Variants in DOC2B observed in about 807,000 individuals in gnomAD.
DOC2B encodes the protein double C2-like domain-containing protein beta.
A neutral mutation model predicts 28.9 loss-of-function variants in DOC2B; 21 were observed. The observed-to-expected ratio is 0.73, with a 90% CI of 0.52 to 1.05. The LOEUF (loss-of-function observed/expected upper bound fraction) is 1.05. Ranked by LOEUF, DOC2B falls within the 50% of genes least tolerant of loss-of-function variation. DOC2B has a pLI of 0.00. For synonymous variants in DOC2B, 194 were observed against 178.1 expected (o/e 1.09, Z -0.71); for missense variants, 384 against 421.1 (o/e 0.91, Z 0.77).
rs577567679 is a variant in DOC2B at position 164,299 on chromosome 17, G to A, written c.454-95C>T. 9 of 1,001,346 alleles carry A rather than the reference G, an allele frequency of 9.0e-6. No individual in the cohort carries two copies. In the East Asian group the frequency reaches 2.4e-4, roughly 26 times the overall value. The allele number at this position is 1,001,346 out of a possible 1,614,324, so 62.0% of individuals were successfully genotyped here. ...CCTTGTCCCCTGGGTCTCCTGGCTG[G>A]GCCCATTCATGGCCCCTTTCACAGA... On this transcript the variant is annotated intron_variant, in intron 2 of 8. Coordinates refer to ENST00000613549, the MANE Select transcript of DOC2B (RefSeq NM_003585.5).
chr17:160,584 C>A (rs1445165910), intron 5 of DOC2B, among the ~76,000 whole-genome samples: 4 of 152,252 alleles, frequency 2.6e-5, no homozygotes, highest in African/African-American at 9.6e-5. Context: ...GGACAACGTG[C>A]CATCGAGGGG....
chr17:177,269 T>C (rs1336892384), intron 1 of DOC2B, among the ~76,000 whole-genome samples: 1 of 152,156 alleles, frequency 6.6e-6, no homozygotes, highest in African/African-American at 2.4e-5. Flanking sequence ...TCTTCATTCA[T>C]CTGCTTTAAA....
intron 2 of DOC2B, among the ~76,000 whole-genome samples, chr17:166,045 G>A (rs1273778781): frequency 1.3e-5 from 2 of 152,106 alleles, no homozygotes; most frequent in Admixed American, 6.5e-5. Context: ...AGGCTGGGTC[G>A]AGGGGCGCTG....
chr17:162,074 C>G lies in DOC2B; in HGVS notation c.638+7G>C, dbSNP rs1555523320. The G allele has an allele frequency of 1.3e-6, 2 of 1,545,110 alleles. No individual in the cohort carries two copies. Among genetic ancestry groups the G allele is most frequent in the Non-Finnish European group, 1.8e-6 (2 of 1,141,054 alleles). Reference sequence around the variant, plus strand: ...GAGGGAGCAGGCGGCCTGGGACCCTCACCCACCGCAGGGTCTTGCGGATCA... The same window carrying G: ...GAGGGAGCAGGCGGCCTGGGACCCTGACCCACCGCAGGGTCTTGCGGATCA... On this transcript the variant is annotated splice_region_variant and intron_variant, in intron 4 of 8. Coordinates refer to ENST00000613549, the MANE Select transcript of DOC2B (RefSeq NM_003585.5).
At position 153,438 on chromosome 17, in the gene DOC2B, C is replaced by T. The variant is rs188581342; in HGVS notation, c.923+2782G>A. Among the ~76,000 whole-genome samples, 16 of 152,364 alleles carry T rather than the reference C, an allele frequency of 1.1e-4. No individual in the cohort carries two copies. In the East Asian group the frequency reaches 2.7e-3, roughly 26 times the overall value. On this transcript the variant is annotated intron_variant, in intron 6 of 8. Coordinates refer to ENST00000613549, the MANE Select transcript of DOC2B (RefSeq NM_003585.5). The stretch of plus-strand genomic sequence containing the variant: ...ACACCATAGGCCGGGCACAGTGGCT[C>T]ACGCCTGTAATCCCAGCCCTTTGGG...
intron 1 of DOC2B, among the ~76,000 whole-genome samples, chr17:177,594 T>C (rs948541469): frequency 3.3e-5 from 5 of 152,250 alleles, no homozygotes; most frequent in Admixed American, 6.5e-5. Flanking sequence ...CCATCTGGGT[T>C]CTTGCCTCCC....
chr17:166,449 C>G (rs967913527), intron 2 of DOC2B, among the ~76,000 whole-genome samples: 28 of 152,218 alleles, frequency 1.8e-4, no homozygotes, highest in African/African-American at 6.5e-4. Flanking sequence ...TAAACTGATC[C>G]CATGGTTTAG....
chr17:144,815 G>C lies in DOC2B; in HGVS notation c.*2626C>G, dbSNP rs1283041009. 1 of 152,242 alleles carries C rather than the reference G, an allele frequency of 6.6e-6. No individual in the cohort carries two copies. Among genetic ancestry groups the C allele is most frequent in the East Asian group, 1.9e-4 (1 of 5,188 alleles). 9.4% of individuals were successfully genotyped at this position (152,242 alleles called of 1,614,324 possible). On this transcript the variant is annotated 3_prime_UTR_variant, in exon 9 of 9. Transcript: ENST00000613549. Reference sequence around the variant, plus strand: ...TCTTGTCCCAGCTGTGCCCCTTCAGGCCCCTTTCACCCACTGGGCCTCACA... The same window carrying C: ...TCTTGTCCCAGCTGTGCCCCTTCAGCCCCCTTTCACCCACTGGGCCTCACA...
chr17:143,956 C>A lies in DOC2B; in HGVS notation c.*3485G>T, dbSNP rs959870068. On this transcript the variant is annotated 3_prime_UTR_variant, in exon 9 of 9. Coordinates refer to ENST00000613549, the MANE Select transcript of DOC2B (RefSeq NM_003585.5). Reference sequence around the variant, plus strand: ...GAAGGAACAACGGGCTCGGCATGCACGGCCCGGGCTCGGCGGGCGGACGGG... The same window carrying A: ...GAAGGAACAACGGGCTCGGCATGCAAGGCCCGGGCTCGGCGGGCGGACGGG... The A allele has an allele frequency of 1.3e-5, 2 of 152,456 alleles. No homozygotes were observed. Among genetic ancestry groups the A allele is most frequent in the African/African-American group, 4.8e-5 (2 of 41,346 alleles). 9.4% of individuals were successfully genotyped at this position (152,456 alleles called of 1,614,324 possible).
Position 181,498 on chromosome 17 carries a change from C to A in DOC2B, c.-19G>T. 2.0e-6 allele frequency: 2 copies of A among 1,010,900 alleles called. No individual in the cohort carries two copies. The highest frequency in any genetic ancestry group is 2.4e-6 in the Non-Finnish European group (2 of 848,988). The allele number at this position is 1,010,900 out of a possible 1,614,324, so 62.6% of individuals were successfully genotyped here. A position where few individuals can be genotyped will look rare whatever the true frequency, so the allele number is the denominator to read the frequency against. On this transcript the variant is annotated 5_prime_UTR_variant, in exon 1 of 9. Transcript: ENST00000613549. The surrounding 1 kb of genome is among the most constrained non-coding windows in gnomAD (Gnocchi z 7.0). The stretch of plus-strand genomic sequence containing the variant: ...GGGTCATGCAGGCAGCGCCGCCCCG[C>A]CCCGGGCGCGGCCCGGCCCGGCGCG...
Position 154,211 on chromosome 17 carries a change from T to C in DOC2B, c.923+2009A>G, listed in dbSNP as rs575496927. 2.1e-4 allele frequency among the ~76,000 whole-genome samples: 31 copies of C among 150,382 alleles called. 1 individual carries two copies. Among genetic ancestry groups the C allele is most frequent in the African/African-American group, 7.4e-4 (30 of 40,436 alleles). On this transcript the variant is annotated intron_variant, in intron 6 of 8. Transcript: ENST00000613549. ...CTGCTACACTCCTTCTTAGGGCTGA[T>C]ATTCCACACACCCGCTACACTCCTT...
chr17:177,056 A>G (rs2040378122), intron 1 of DOC2B, among the ~76,000 whole-genome samples: 1 of 128,022 alleles, frequency 7.8e-6, no homozygotes, highest in East Asian at 2.3e-4. Flanking sequence ...TTTAAGAAAA[A>G]TGTCAGGCTC....
chr17:172,388 G>C (rs2040322508), intron 2 of DOC2B, 149 bp downstream of exon 2: 4 of 578,958 alleles, frequency 6.9e-6, no homozygotes, highest in Non-Finnish European at 1.2e-5. Context: ...GTTTAAAGAA[G>C]AATTCCTTCC....
intron 6 of DOC2B, among the ~76,000 whole-genome samples, chr17:155,697 G>A (rs1448543228): frequency 4.6e-5 from 7 of 152,202 alleles, no homozygotes; most frequent in Admixed American, 3.3e-4. Context: ...ACAGCTCTGC[G>A]GCCCAGGCCA....
intron 1 of DOC2B, among the ~76,000 whole-genome samples, chr17:176,397 G>GGGC (rs1555524687): frequency 3.7e-5 from 1 of 27,018 alleles, no homozygotes; most frequent in African/African-American, 7.8e-5. Flanking sequence ...TTGGTGCGGG[G>GGGC]GGTGCGGGGG....
chr17:147,386 G>A lies in DOC2B; in HGVS notation c.*55C>T, dbSNP rs989686591. On this transcript the variant is annotated 3_prime_UTR_variant, in exon 9 of 9. Coordinates refer to ENST00000613549, the MANE Select transcript of DOC2B (RefSeq NM_003585.5). ...GCCTTGGTGGCTGCTGGGGAAGCCC[G>A]GGGCCGGCCGTGCTGGGCGCAGGTG... 4.3e-5 allele frequency: 17 copies of A among 398,646 alleles called. No homozygotes were observed. Among genetic ancestry groups the A allele is most frequent in the African/African-American group, 1.4e-4 (7 of 48,750 alleles). The allele number at this position is 398,646 out of a possible 1,614,324, so 24.7% of individuals were successfully genotyped here.
At chr17:165,172 G>A (rs2040247903) in intron 2 of DOC2B, among the ~76,000 whole-genome samples, 2 of 151,668 alleles carry the variant, frequency 1.3e-5, no homozygotes, top group Admixed American at 6.6e-5. Flanking sequence ...CAGCTGGGAA[G>A]TGGATGAGTT....
In DOC2B at chr17:149,180, T is replaced by G. The variant is rs1255524756; in HGVS notation, c.936A>C (p.Pro312=). ...SDPYVKTYLR[P]DVDKKSKHKT... Reference sequence around the variant, plus strand: ...TATGTTTGGATTTCTTGTCCACATCTGGCCTCAGGTATCTGGAATTACATC... The same window carrying G: ...TATGTTTGGATTTCTTGTCCACATCGGGCCTCAGGTATCTGGAATTACATC... The change falls in exon 7 of 9, where the codon CCA becomes CCC. Residue 312 remains proline, a synonymous_variant. Coordinates refer to ENST00000613549, the MANE Select transcript of DOC2B (RefSeq NM_003585.5). 6 of 400,010 alleles carry G rather than the reference T, an allele frequency of 1.5e-5. No homozygotes were observed. The highest frequency in any genetic ancestry group is 1.2e-4 in the African/African-American group (6 of 48,600). The allele number at this position is 400,010 out of a possible 1,614,324, so 24.8% of individuals were successfully genotyped here. A position where few individuals can be genotyped will look rare whatever the true frequency, so the allele number is the denominator to read the frequency against.
chr17:172,090 C>T (rs1303708712), intron 2 of DOC2B, among the ~76,000 whole-genome samples: 2 of 152,206 alleles, frequency 1.3e-5, no homozygotes, highest in East Asian at 3.9e-4. Flanking sequence ...CCGTGGACAC[C>T]CTGCCTGGAG....
Sources: allele counts gnomAD v4.1 joint callset (sites outside exome capture counted in the v4.1 genomes callset), GRCh38; gene constraint gnomAD v4.1.1; non-coding constraint Gnocchi (gnomAD v3.1); transcripts MANE v1.5; gene names NCBI Gene and HGNC (gene_info 2026-07-23, HGNC 2026-07-21).